Variants in CHLSN observed in about 807,000 individuals in gnomAD.
The protein encoded by CHLSN is protein cholesin.
At chr7:997,556 A>G in the CHLSN span, 19 of 1,332,222 alleles carry the variant, frequency 1.4e-5, no homozygotes, top group Non-Finnish European at 1.9e-5. Flanking sequence ...CCACCGCCGG[A>G]GGAGCTGCAC....
At chr7:1,062,788 G>A in the CHLSN span, among the ~76,000 whole-genome samples, 2 of 152,162 alleles carry the variant, frequency 1.3e-5, no homozygotes, top group African/African-American at 2.4e-5. Flanking sequence ...CGGTGCGCAC[G>A]GTCCGCACTC....
the CHLSN span, chr7:1,055,960 G>A: frequency 2.2e-3 from 344 of 153,188 alleles, 1 homozygote; most frequent in Non-Finnish European, 4.0e-3. Flanking sequence ...CCAAAGCCAC[G>A]CAGCCTCGCA....
At chr7:1,075,048 G>A in the CHLSN span, among the ~76,000 whole-genome samples, 5 of 152,208 alleles carry the variant, frequency 3.3e-5, no homozygotes, top group Middle Eastern at 3.2e-3. Flanking sequence ...AATGGACCAA[G>A]AACCGAAAGG....
chr7:989,133 A>C, the CHLSN span: 2 of 366,184 alleles, frequency 5.5e-6, no homozygotes, highest in East Asian at 4.1e-5. Context: ...AGCTCCCCCC[A>C]GGGCCCCCCA....
the CHLSN span, chr7:1,092,014 C>G: frequency 6.2e-7 from 1 of 1,614,122 alleles, no homozygotes; most frequent in African/African-American, 1.3e-5. Context: ...CATCCCCGAC[C>G]TGTACTTCAT....
the CHLSN span, among the ~76,000 whole-genome samples, chr7:1,017,736 G>C: frequency 6.6e-6 from 1 of 151,794 alleles, no homozygotes; most frequent in African/African-American, 2.4e-5. Context: ...GGCGGGATAA[G>C]GGGCAGCCGC....
chr7:1,104,586 G>C, the CHLSN span, among the ~76,000 whole-genome samples: 6 of 152,190 alleles, frequency 3.9e-5, no homozygotes, highest in African/African-American at 9.7e-5. Flanking sequence ...TGCAGCTTAC[G>C]TGGAAAGGCC....
At chr7:1,084,837 G>A in the CHLSN span, among the ~76,000 whole-genome samples, 1,624 of 152,362 alleles carry the variant, frequency 0.011, 26 homozygotes, top group African/African-American at 0.037. Context: ...TTTGGACGGC[G>A]ACATGCAACT....
chr7:1,114,064 C>T, the CHLSN span, among the ~76,000 whole-genome samples: 2 of 152,232 alleles, frequency 1.3e-5, no homozygotes, highest in Admixed American at 1.3e-4. Context: ...CCTAATTAAC[C>T]CGCAGTGCAG....
the CHLSN span, among the ~76,000 whole-genome samples, chr7:1,046,032 G>A: frequency 2.6e-5 from 4 of 152,232 alleles, no homozygotes; most frequent in East Asian, 1.9e-4. Context: ...GGCAAAGGGC[G>A]CGCACCTCAT....
the CHLSN span, among the ~76,000 whole-genome samples, chr7:1,021,894 G>A: frequency 6.6e-6 from 1 of 152,218 alleles, no homozygotes. Flanking sequence ...CTGAGTCCTG[G>A]GGAGCAGGAG....
chr7:984,591 C>A, the CHLSN span: 31 of 1,554,474 alleles, frequency 2.0e-5, no homozygotes, highest in Non-Finnish European at 2.6e-5. Context: ...GTGTGGCCGG[C>A]GCTACGGGGC....
At chr7:1,031,870 T>C in the CHLSN span, among the ~76,000 whole-genome samples, 2 of 150,294 alleles carry the variant, frequency 1.3e-5, no homozygotes, top group African/African-American at 4.9e-5. Context: ...GGCAGAGTGG[T>C]CCAGGTGCGG....
chr7:1,021,429 C>G, the CHLSN span: 19 of 985,352 alleles, frequency 1.9e-5, no homozygotes, highest in Admixed American at 6.1e-5. Context: ...CTCTGCCCAG[C>G]CTTCCTGTCT....
the CHLSN span, among the ~76,000 whole-genome samples, chr7:1,096,490 G>A: frequency 1.3e-5 from 2 of 152,320 alleles, no homozygotes; most frequent in East Asian, 1.9e-4. The surrounding 1 kb of genome is among the most constrained non-coding windows in gnomAD (Gnocchi z 4.6). Context: ...CAGGGACTCC[G>A]TGGGTGCCGC....
the CHLSN span, among the ~76,000 whole-genome samples, chr7:1,076,969 G>A: frequency 2.6e-5 from 4 of 152,236 alleles, no homozygotes; most frequent in Admixed American, 1.3e-4. Flanking sequence ...TGTCCAGTCC[G>A]GAGCTCCTGC....
At chr7:997,583 C>G in the CHLSN span, 38 of 1,437,572 alleles carry the variant, frequency 2.6e-5, no homozygotes, top group Non-Finnish European at 3.3e-5. Flanking sequence ...TGGTCTGAGG[C>G]AGCCCTGCAC....
At chr7:1,004,554 C>T in the CHLSN span, among the ~76,000 whole-genome samples, 1 of 152,208 alleles carries the variant, frequency 6.6e-6, no homozygotes, top group African/African-American at 2.4e-5. Flanking sequence ...AGACTTCAAG[C>T]CAAGCCCATC....
chr7:1,012,017 A>C, the CHLSN span, among the ~76,000 whole-genome samples: 3 of 152,316 alleles, frequency 2.0e-5, no homozygotes, highest in Admixed American at 1.3e-4. Context: ...GACCGGCTCC[A>C]ACCAGCTCCA....
Sources: allele counts gnomAD v4.1 joint callset (sites outside exome capture counted in the v4.1 genomes callset), GRCh38; gene constraint gnomAD v4.1.1; non-coding constraint Gnocchi (gnomAD v3.1); transcripts MANE v1.5; gene names NCBI Gene and HGNC (gene_info 2026-07-23, HGNC 2026-07-21).